The following TLE3 variants were observed in gnomAD, a reference collection of about 807,000 sequenced individuals.
TLE3 encodes transducin-like enhancer protein 3.
TLE3 carries 14 observed loss-of-function variants against 93.0 expected under a neutral mutation model. The observed-to-expected ratio is 0.15, with a 90% CI of 0.10 to 0.24. The LOEUF (loss-of-function observed/expected upper bound fraction) is 0.24. TLE3 is among the 10% of genes least tolerant of loss of function. TLE3 has a pLI of 1.00. For missense variants in TLE3, 693 were observed against 1,046.6 expected (o/e 0.66, Z 4.66); for synonymous variants, 451 against 425.0 (o/e 1.06, Z -0.75).
intron 6 of TLE3, among the ~76,000 whole-genome samples, chr15:70,073,763 T>C (rs896702316): frequency 3.3e-5 from 5 of 152,172 alleles, no homozygotes; most frequent in African/African-American, 9.7e-5. Context: ...CTTCCTCAGG[T>C]GCTTATCTTA....
chr15:70,086,912 T>A (rs193218905), intron 4 of TLE3, among the ~76,000 whole-genome samples: 1 of 152,120 alleles, frequency 6.6e-6, no homozygotes, highest in Non-Finnish European at 1.5e-5. Flanking sequence ...TAGTGTTAGA[T>A]GAAAAGAAAA....
intron 8 of TLE3, 47 bp from the exon 9 acceptor site, chr15:70,060,696 A>G: frequency 6.2e-7 from 1 of 1,604,934 alleles, no homozygotes; most frequent in South Asian, 1.1e-5. Context: ...TGCTGCGTGT[A>G]ACAATTCACA....
At chr15:70,059,674 G>A (rs533947182) in intron 9 of TLE3, among the ~76,000 whole-genome samples, 7 of 152,254 alleles carry the variant, frequency 4.6e-5, no homozygotes, top group Admixed American at 1.3e-4. Context: ...CAGGCCCCGG[G>A]TTACTCCACT....
intron 4 of TLE3, among the ~76,000 whole-genome samples, chr15:70,084,445 C>T (rs2057947103): frequency 6.6e-6 from 1 of 152,248 alleles, no homozygotes; most frequent in African/African-American, 2.4e-5. Context: ...CCCTGATCCA[C>T]ATGTGGCTGA....
At chr15:70,063,303 G>A (rs1025382138) in intron 8 of TLE3, among the ~76,000 whole-genome samples, 1 of 152,198 alleles carries the variant, frequency 6.6e-6, no homozygotes, top group Admixed American at 6.5e-5. Context: ...CCGAAAAAAT[G>A]CCACTGTTAG....
At chr15:70,060,863 G>A (rs1447264142) in intron 8 of TLE3, 8 of 659,148 alleles carry the variant, frequency 1.2e-5, no homozygotes, top group Middle Eastern at 2.7e-4. Context: ...TGCCCTGGGC[G>A]CATCCCCAAT....
intron 4 of TLE3, among the ~76,000 whole-genome samples, chr15:70,076,902 GA>G (rs921176621): frequency 8.5e-5 from 13 of 152,064 alleles, no homozygotes; most frequent in Admixed American, 2.6e-4. Context: ...TATTTTTGTA[GA>G]GACTGGGTTT....
At chr15:70,060,190 G>C (rs2056373883) in intron 9 of TLE3, among the ~76,000 whole-genome samples, 1 of 152,186 alleles carries the variant, frequency 6.6e-6, no homozygotes, top group South Asian at 2.1e-4. Context: ...ACATTTTGGG[G>C]GTCACTGGGA....
chr15:70,083,370 A>G (rs887495010), intron 4 of TLE3, among the ~76,000 whole-genome samples: 10 of 152,166 alleles, frequency 6.6e-5, no homozygotes, highest in African/African-American at 2.4e-4. Flanking sequence ...CTTGGTTCCC[A>G]AACACACTAA....
rs2057532829 is a variant in TLE3 at position 70,077,940 on chromosome 15, G to A, written c.235-1782C>T. Reference sequence around the variant, plus strand: ...TGGGACTCCACATTGACACATGTGTGGGGCACTCTAGCCAGGACACCATAC... The same window carrying A: ...TGGGACTCCACATTGACACATGTGTAGGGCACTCTAGCCAGGACACCATAC... On this transcript the variant is annotated intron_variant, in intron 4 of 19. Coordinates refer to ENST00000451782, the MANE Select transcript of TLE3 (RefSeq NM_001105192.3). Among the ~76,000 whole-genome samples, 6 of 152,184 alleles carry A rather than the reference G, an allele frequency of 3.9e-5. 1 individual carries two copies. The South Asian group carries it at 1.2e-3, about 31-fold the overall frequency.
chr15:70,057,791 C>T, intron 12 of TLE3, 133 bp from the exon 13 acceptor site: 1 of 1,112,088 alleles, frequency 9.0e-7, no homozygotes, highest in Non-Finnish European at 1.3e-6. Flanking sequence ...CTGAACCCAC[C>T]CAAGTGGGAT....
chr15:70,051,729 A>G (rs551673065), intron 18 of TLE3, among the ~76,000 whole-genome samples: 1 of 152,304 alleles, frequency 6.6e-6, no homozygotes, highest in African/African-American at 2.4e-5. Context: ...ACGCTGCCTC[A>G]AAAGATTCTT....
intron 19 of TLE3, chr15:70,050,423 C>A: frequency 2.1e-6 from 1 of 473,024 alleles, no homozygotes; most frequent in Non-Finnish European, 3.9e-6. Flanking sequence ...TAGAGCTCCC[C>A]TCCCACCTGC....
chr15:70,055,438 A>C, intron 14 of TLE3, 140 bp from the exon 15 acceptor site: 1 of 1,262,148 alleles, frequency 7.9e-7, no homozygotes, highest in East Asian at 2.5e-5. Context: ...ATTCGAACCC[A>C]GTAACCCCAT....
At position 70,054,620 on chromosome 15, in the gene TLE3, G is replaced by A. The variant is rs367926967; in HGVS notation, c.1644C>T (p.Gly548=). ...CCCAGATGGTGAGCGTGCTGGCCTCGCCGCCCACGATGAGCGTGCGCCCAT... is the reference window on the plus strand; with the variant it reads ...CCCAGATGGTGAGCGTGCTGGCCTCACCGCCCACGATGAGCGTGCGCCCAT... ...LPDGRTLIVG[G]EASTLTIWDL... is the part of the protein sequence containing the mutation. Residue 548 remains glycine, a synonymous_variant, in exon 16 of 20, where the codon GGC becomes GGT. Coordinates refer to ENST00000451782, the MANE Select transcript of TLE3 (RefSeq NM_001105192.3). 21 of 1,611,874 alleles carry A rather than the reference G, an allele frequency of 1.3e-5. No homozygotes were observed. The African/African-American group carries it at 1.7e-4, about 13-fold the overall frequency.
rs182396500 is a variant in TLE3, at chr15:70,076,096, C to T, written c.297G>A (p.Glu99=). The T allele has an allele frequency of 1.2e-6, 2 of 1,613,792 alleles. No homozygotes were observed. Among genetic ancestry groups the T allele is most frequent in the Non-Finnish European group, 1.7e-6 (2 of 1,179,730 alleles). Residue 99 remains glutamate, a splice_region_variant and synonymous_variant, in exon 5 of 20, where the codon GAG becomes GAA. Transcript: ENST00000451782. ...LAQIMPFLSQ[E]HQQQVAQAVE... ...AAGAAATAATAAAAGAAGGTCTTAC[C>T]TCTTGTGACAGGAAAGGCATGATCT...
At chr15:70,088,533 T>A (rs2058142879) in intron 4 of TLE3, among the ~76,000 whole-genome samples, 1 of 152,224 alleles carries the variant, frequency 6.6e-6, no homozygotes, top group Admixed American at 6.5e-5. Context: ...AACAAGATAT[T>A]GTCCCTTTAA....
At position 70,066,010 on chromosome 15, in the gene TLE3, G is replaced by A. The variant is rs530259841; in HGVS notation, c.577+4C>T. On this transcript the variant is annotated splice_donor_region_variant and intron_variant, in intron 7 of 19. Transcript: ENST00000451782. ...CCCCACCCTCTGCCCCAGCCCAGCC[G>A]CACCTCTGTGATCGAGTTCATGGTG... The A allele has an allele frequency of 1.6e-4, 124 of 780,064 alleles. 1 individual carries two copies. Among genetic ancestry groups the A allele is most frequent in the South Asian group, 1.4e-3 (105 of 75,282 alleles). The allele number at this position is 780,064 out of a possible 1,614,324, so 48.3% of individuals were successfully genotyped here.
intron 5 of TLE3, among the ~76,000 whole-genome samples, chr15:70,075,021 GTAGT>G (rs1315488274): frequency 5.9e-5 from 9 of 152,242 alleles, no homozygotes; most frequent in African/African-American, 2.2e-4. Flanking sequence ...TGCAGTTATA[GTAGT>G]TAGTGGTGAA....
Sources: allele counts gnomAD v4.1 joint callset (sites outside exome capture counted in the v4.1 genomes callset), GRCh38; gene constraint gnomAD v4.1.1; transcripts MANE v1.5; gene names NCBI Gene and HGNC (gene_info 2026-07-23, HGNC 2026-07-21).